Variants in ZMYND11 observed in about 807,000 individuals in gnomAD.
ZMYND11 encodes zinc finger MYND domain-containing protein 11.
Under a neutral mutation model 84.9 loss-of-function variants are expected in ZMYND11, and 9 were observed. The ratio of observed to expected loss-of-function variants is 0.11; its 90% confidence interval spans 0.06 to 0.18. The LOEUF is 0.18. Among genes scored for constraint, ZMYND11 ranks in the 10% least tolerant of loss-of-function variants. ZMYND11 has a pLI of 1.00. For missense variants in ZMYND11, 409 were observed against 761.0 expected, an observed-to-expected ratio of 0.54 and a Z score of 5.44; for synonymous variants, 250 against 244.1, an observed-to-expected ratio of 1.02 and a Z score of -0.23.
chr10:169,580 C>T (rs1304380702), intron 1 of ZMYND11, among the ~76,000 whole-genome samples: 1 of 152,084 alleles, frequency 6.6e-6, no homozygotes, highest in East Asian at 1.9e-4. Flanking sequence ...ACGATATAAG[C>T]ATAGAGATGG....
chr10:164,702 G>A lies in ZMYND11; in HGVS notation c.-19-15292G>A, dbSNP rs146560586. Among the ~76,000 whole-genome samples, 365 of 152,222 alleles carry A rather than the reference G, an allele frequency of 2.4e-3. 2 individuals are homozygous for A. The highest frequency in any genetic ancestry group is 0.017 in the Middle Eastern group (5 of 294). ...GAAGTGCATTGTCCTAATTAACAGT[G>A]CATTTTGATTGAACTAGAAATTGGA... On this transcript the variant is annotated intron_variant, in intron 1 of 14. Transcript: ENST00000381604.
At chr10:142,623 C>G (rs1837754514) in intron 1 of ZMYND11, among the ~76,000 whole-genome samples, 1 of 152,208 alleles carries the variant, frequency 6.6e-6, no homozygotes, top group Non-Finnish European at 1.5e-5. Flanking sequence ...TACTCTGTCT[C>G]CCTAAAACCC....
At chr10:141,074 G>A (rs909069274) in intron 1 of ZMYND11, among the ~76,000 whole-genome samples, 5 of 152,078 alleles carry the variant, frequency 3.3e-5, no homozygotes, top group East Asian at 3.8e-4. Flanking sequence ...AATGTGTTTC[G>A]CTGAAATACA....
At chr10:169,568 G>A (rs1844798077) in intron 1 of ZMYND11, among the ~76,000 whole-genome samples, 1 of 152,198 alleles carries the variant, frequency 6.6e-6, no homozygotes, top group East Asian at 1.9e-4. Context: ...AAGAATAAAT[G>A]GACGATATAA....
At chr10:181,486 G>A (rs985834909) in intron 2 of ZMYND11, among the ~76,000 whole-genome samples, 3 of 152,192 alleles carry the variant, frequency 2.0e-5, no homozygotes, top group Admixed American at 1.3e-4. Flanking sequence ...TGGTGTGGTG[G>A]TGCACACCTG....
At chr10:167,858 T>G (rs1554764424) in intron 1 of ZMYND11, among the ~76,000 whole-genome samples, 1 of 152,166 alleles carries the variant, frequency 6.6e-6, no homozygotes, top group Non-Finnish European at 1.5e-5. Flanking sequence ...TCTTTATCAT[T>G]TTTAGGAGTA....
At position 248,973 on chromosome 10, in the gene ZMYND11, T is replaced by C. The variant is rs774648368; in HGVS notation, c.1571T>C (p.Met524Thr). 3.0e-5 allele frequency: 48 copies of C among 1,614,018 alleles called. No individual in the cohort carries two copies. The highest frequency in any genetic ancestry group is 3.7e-5 in the Non-Finnish European group (44 of 1,180,052). Residue 524 changes from methionine (M) to threonine (T), a missense_variant, in exon 14 of 15, where the codon ATG becomes ACG. Around this residue, in one of 7 missense-constraint regions of ZMYND11, gnomAD observed 141 missense variants for 173.8 expected, o/e 0.81. Transcript: ENST00000381604. ...GCTGTAGCCAACATGCAGGGTGAGA[T>C]GGACAGAAAATGTAAGCAAGTAAAG... ...NKAVANMQGE[M>T]DRKCKQVKEK...
intron 14 of ZMYND11, chr10:249,321 T>C (rs1004151174): frequency 2.0e-5 from 26 of 1,312,708 alleles, no homozygotes; most frequent in Middle Eastern, 2.9e-4. Flanking sequence ...GAGATTATAA[T>C]ACCTTAGTAC....
chr10:191,191 G>A (rs1461420900), intron 2 of ZMYND11, among the ~76,000 whole-genome samples: 1 of 152,188 alleles, frequency 6.6e-6, no homozygotes, highest in African/African-American at 2.4e-5. Context: ...GTTATGTTGT[G>A]ATGAGTCCCC....
intron 3 of ZMYND11, among the ~76,000 whole-genome samples, chr10:214,445 A>G (rs1186131593): frequency 2.6e-5 from 4 of 152,156 alleles, no homozygotes; most frequent in Non-Finnish European, 4.4e-5. Flanking sequence ...TCTCTTAAGA[A>G]AGTAAATGCA....
chr10:206,084 G>T (rs1588940160), intron 2 of ZMYND11, among the ~76,000 whole-genome samples: 1 of 151,956 alleles, frequency 6.6e-6, no homozygotes, highest in African/African-American at 2.4e-5. Context: ...ATCAGGCCGG[G>T]CGCGGTGGCT....
At chr10:162,807 T>C (rs1843208444) in intron 1 of ZMYND11, among the ~76,000 whole-genome samples, 2 of 152,202 alleles carry the variant, frequency 1.3e-5, no homozygotes, top group South Asian at 2.1e-4. Flanking sequence ...TATTGGTATA[T>C]GTATGTGTTG....
At chr10:179,537 C>T (rs991472631) in intron 1 of ZMYND11, among the ~76,000 whole-genome samples, 1 of 152,018 alleles carries the variant, frequency 6.6e-6, no homozygotes, top group Non-Finnish European at 1.5e-5. Context: ...ATATTGTTTT[C>T]ATATATCTAT....
intron 4 of ZMYND11, among the ~76,000 whole-genome samples, chr10:223,686 TCAAG>T (rs1947562250): frequency 6.6e-6 from 1 of 152,220 alleles, no homozygotes; most frequent in South Asian, 2.1e-4. Flanking sequence ...TTTATGGTAT[TCAAG>T]AAAAAGATAA....
chr10:165,132 C>G (rs1843696407), intron 1 of ZMYND11, among the ~76,000 whole-genome samples: 1 of 152,106 alleles, frequency 6.6e-6, no homozygotes, highest in Non-Finnish European at 1.5e-5. Context: ...TACTCCTTAA[C>G]CCACTCCAGT....
intron 3 of ZMYND11, 72 bp downstream of exon 3, chr10:210,120 A>G (rs1944927732): frequency 2.7e-6 from 4 of 1,486,842 alleles, no homozygotes; most frequent in Non-Finnish European, 2.8e-6. Context: ...GATACAACCT[A>G]TAGAAAATCA....
chr10:249,333 T>TA, intron 14 of ZMYND11: 1 of 1,264,728 alleles, frequency 7.9e-7, no homozygotes, highest in Non-Finnish European at 1.0e-6. Context: ...CCTTAGTACA[T>TA]ATTTATTACA....
intron 3 of ZMYND11, among the ~76,000 whole-genome samples, chr10:219,118 T>C (rs1232738661): frequency 6.6e-6 from 1 of 152,182 alleles, no homozygotes; most frequent in African/African-American, 2.4e-5. Context: ...ATTTCTGTAA[T>C]TGGTTATGAA....
intron 3 of ZMYND11, among the ~76,000 whole-genome samples, chr10:212,358 A>G (rs1392319835): frequency 3.9e-5 from 6 of 152,122 alleles, no homozygotes; most frequent in Non-Finnish European, 8.8e-5. Flanking sequence ...TATAGTATAC[A>G]GGTTTAATTC....
Sources: gnomAD v4.1 joint callset for allele counts (sites outside exome capture counted in the v4.1 genomes callset) on GRCh38, gnomAD v4.1.1 for gene constraint, gnomAD v4.1.1 regional missense constraint, MANE v1.5 for transcripts, NCBI Gene and HGNC (gene_info 2026-07-23, HGNC 2026-07-21) for gene names.